UROC1: variants seen among roughly 807,000 people sequenced by gnomAD.
The protein encoded by UROC1 is urocanate hydratase 1.
UROC1 carries 79 observed loss-of-function variants against 89.5 expected under a neutral mutation model. That is an observed-to-expected ratio of 0.88 (90% CI 0.74 to 1.06). The LOEUF is 1.06. Ranked by LOEUF, UROC1 falls within the 50% of genes least tolerant of loss-of-function variation. The pLI is 0.00. For synonymous variants in UROC1, 361 were observed against 354.8 expected (o/e 1.02, Z -0.20); for missense variants, 885 against 907.8 (o/e 0.97, Z 0.32).
chr3:126,508,076 T>C lies in UROC1; in HGVS notation c.431A>G (p.Tyr144Cys), dbSNP rs752040556. ...NWAQFWLTMF[Y>C]LSKMTEEQTL... Reference sequence around the variant, plus strand: ...CTGCTCCTCTGTCATCTTCGACAAGTAGAACATGGTCAGCCAGAACTGGGG... The same window carrying C: ...CTGCTCCTCTGTCATCTTCGACAAGCAGAACATGGTCAGCCAGAACTGGGG... Residue 144 changes from tyrosine to cysteine, a missense_variant, in exon 5 of 20, where the codon TAC becomes TGC. Tyr to Cys is a radical substitution (Grantham distance 194). Coordinates refer to ENST00000290868, the MANE Select transcript of UROC1 (RefSeq NM_144639.3). 2 of 1,613,876 alleles carry C rather than the reference T, an allele frequency of 1.2e-6. No individual in the cohort carries two copies. The highest frequency in any genetic ancestry group is 1.7e-6 in the Non-Finnish European group (2 of 1,180,004).
rs189264177 is a variant in UROC1, at chr3:126,489,992, C to T, written c.1609-617G>A. Among the ~76,000 whole-genome samples, 109 of 152,220 alleles carry T rather than the reference C, an allele frequency of 7.2e-4. 1 individual carries two copies. The highest frequency in any genetic ancestry group is 2.5e-3 in the African/African-American group (103 of 41,556). On this transcript the variant is annotated intron_variant, in intron 16 of 19. Coordinates refer to ENST00000290868, the MANE Select transcript of UROC1 (RefSeq NM_144639.3). The stretch of plus-strand genomic sequence containing the variant: ...TGGCCCCTGACCTGTGCAATAGAGA[C>T]GTGGCTGGCTGATGGCCTGGAGGTG...
At chr3:126,495,911 G>A in intron 15 of UROC1, 127 bp downstream of exon 15, 2 of 884,660 alleles carry the variant, frequency 2.3e-6, no homozygotes, top group Non-Finnish European at 3.6e-6. Context: ...TCTTGTGTGT[G>A]CACCCTCTCA....
chr3:126,492,778 A>C (rs1364855097), intron 15 of UROC1, among the ~76,000 whole-genome samples: 2 of 152,108 alleles, frequency 1.3e-5, no homozygotes, highest in East Asian at 3.9e-4. Flanking sequence ...CACCTCCCCC[A>C]ATCCCAGATT....
intron 15 of UROC1, among the ~76,000 whole-genome samples, chr3:126,494,288 C>T (rs903591246): frequency 1.3e-5 from 2 of 152,240 alleles, no homozygotes; most frequent in African/African-American, 2.4e-5. Flanking sequence ...GCTTGCAGCT[C>T]CAGCTGCAGC....
intron 9 of UROC1, among the ~76,000 whole-genome samples, chr3:126,502,380 G>A (rs1021604407): frequency 6.6e-6 from 1 of 151,674 alleles, no homozygotes; most frequent in African/African-American, 2.4e-5. Flanking sequence ...GTGTACATGT[G>A]TTTACATGTG....
chr3:126,500,921 CCCAGAGTCTGGGGCCAG>C, intron 10 of UROC1, 47 bp from the exon 11 acceptor site: 1 of 842,182 alleles, frequency 1.2e-6, no homozygotes, highest in African/African-American at 2.1e-5. Context: ...ACAGCCTGGG[CCCAGAGTCTGGGGCCAG>C]CCAGGTGGGG....
At chr3:126,508,284 CA>C in intron 4 of UROC1, 131 bp downstream of exon 4, 2 of 1,377,802 alleles carry the variant, frequency 1.5e-6, no homozygotes, top group Non-Finnish European at 2.0e-6. Context: ...ACACAATCTC[CA>C]ATGCTGGAGC....
At chr3:126,509,786 G>T in intron 2 of UROC1, 108 bp from the exon 3 acceptor site, 1 of 1,056,100 alleles carries the variant, frequency 9.5e-7, no homozygotes, top group Non-Finnish European at 1.4e-6. Flanking sequence ...CGGACACGGG[G>T]CCTGCAGAAC....
intron 17 of UROC1, among the ~76,000 whole-genome samples, chr3:126,488,849 C>CGTTT (rs1935578293): frequency 6.6e-6 from 1 of 152,218 alleles, no homozygotes; most frequent in Admixed American, 6.5e-5. Flanking sequence ...GCGGTAAAGG[C>CGTTT]GTTTGCACCC....
chr3:126,510,705 T>C lies in UROC1; in HGVS notation c.216A>G (p.Gly72=). The change falls in exon 2 of 20, where the codon GGA becomes GGG. Residue 72 remains glycine, a synonymous_variant. Transcript: ENST00000290868. ...GGCAAAACCGGTACATGTAGATGTG[T>C]CCGTACAGTTGCAGCTCCTGGGCAA... The part of the protein sequence containing the change: ...PEFAQELQLY[G]HIYMYRFCPD... 6.2e-7 allele frequency: 1 copy of C among 1,614,172 alleles called. No individual in the cohort carries two copies.
rs746478921 is a variant in UROC1 at position 126,501,319 on chromosome 3, C to T, written c.903-39G>A. 7 of 1,613,016 alleles carry T rather than the reference C, an allele frequency of 4.3e-6. No homozygotes were observed. The African/African-American group carries it at 9.3e-5, about 22-fold the overall frequency. On this transcript the variant is annotated intron_variant, in intron 9 of 19. Coordinates refer to ENST00000290868, the MANE Select transcript of UROC1 (RefSeq NM_144639.3). ...AAAGCAGAACAGGTGCCCCCTGCAC[C>T]TGTGCATAGGTGCCCCAGACACACC...
In UROC1 at chr3:126,510,747, C is replaced by T; in HGVS notation, c.174G>A (p.Glu58=). ...ALRYFPPDVQ[E]LLAPEFAQEL... ...CCTGGGCAAACTCTGGGGCCAGCAG[C>T]TCCTGGACATCCGGGGGGAAGTAGC... is the stretch of plus-strand genomic sequence containing the variant. The change falls in exon 2 of 20, where the codon GAG becomes GAA. Residue 58 remains glutamate (E), a synonymous_variant. Transcript: ENST00000290868. The T allele has an allele frequency of 1.2e-6, 2 of 1,614,174 alleles. No homozygotes were observed. Among genetic ancestry groups the T allele is most frequent in the African/African-American group, 1.3e-5 (1 of 75,074 alleles).
chr3:126,492,313 A>G, intron 16 of UROC1, 105 bp downstream of exon 16: 1 of 1,123,254 alleles, frequency 8.9e-7, no homozygotes, highest in East Asian at 2.6e-5. Context: ...CTCCCCACCC[A>G]GAAGGCTGTG....
Position 126,510,688 on chromosome 3 carries a change from C to G in UROC1, c.233G>C (p.Arg78Pro), listed in dbSNP as rs140107683. 7.3e-5 allele frequency: 118 copies of G among 1,614,042 alleles called. No individual in the cohort carries two copies. Among genetic ancestry groups the G allele is most frequent in the Non-Finnish European group, 9.5e-5 (112 of 1,180,050 alleles). ...LQLYGHIYMY[R>P]FCPDIEMRAY... ...CCTCATTTCAATGTCGGGGCAAAAC[C>G]GGTACATGTAGATGTGTCCGTACAG... The change falls in exon 2 of 20, where the codon CGG (arginine) becomes CCG (proline). Residue 78 changes from arginine (R) to proline (P), a missense_variant. Transcript: ENST00000290868.
intron 18 of UROC1, among the ~76,000 whole-genome samples, chr3:126,484,483 C>G (rs2107531769): frequency 6.6e-6 from 1 of 152,372 alleles, no homozygotes; most frequent in East Asian, 1.9e-4. Flanking sequence ...ATATCTGTTC[C>G]TTTTTCTTCC....
chr3:126,499,671 C>CT (rs1259265965), intron 12 of UROC1, among the ~76,000 whole-genome samples: 1 of 152,220 alleles, frequency 6.6e-6, no homozygotes, highest in Non-Finnish European at 1.5e-5. Flanking sequence ...GTAGACAGGG[C>CT]TGGGGGGGCT....
chr3:126,492,544 C>T (rs1364309268), intron 15 of UROC1, 28 bp from the exon 16 acceptor site: 2 of 1,583,620 alleles, frequency 1.3e-6, no homozygotes, highest in South Asian at 1.1e-5. Flanking sequence ...ACTGGCATCT[C>T]AGCCAACATA....
intron 4 of UROC1, 53 bp downstream of exon 4, chr3:126,508,363 C>G: frequency 6.3e-7 from 1 of 1,576,568 alleles, no homozygotes; most frequent in Non-Finnish European, 8.7e-7. Flanking sequence ...GGCCAGAGGA[C>G]CAGACTAGAG....
At chr3:126,499,455 T>A (rs1560121276) in intron 12 of UROC1, 46 bp from the exon 13 acceptor site, 1 of 1,578,450 alleles carries the variant, frequency 6.3e-7, no homozygotes, top group Admixed American at 1.8e-5. Flanking sequence ...AGGACACCCA[T>A]GGCCACCCTA....
Sources: gnomAD v4.1 joint callset for allele counts (sites outside exome capture counted in the v4.1 genomes callset) on GRCh38, gnomAD v4.1.1 for gene constraint, MANE v1.5 for transcripts, NCBI Gene and HGNC (gene_info 2026-07-23, HGNC 2026-07-21) for gene names.